Variants in CACUL1 observed in about 807,000 individuals in gnomAD.
CACUL1 encodes CDK2 associated cullin domain 1, also known as CDK2-associated and cullin domain-containing protein 1.
A neutral mutation model predicts 45.2 loss-of-function variants in CACUL1; 13 were observed. The observed-to-expected ratio is 0.29, with a 90% CI of 0.19 to 0.46. The LOEUF is 0.46. CACUL1 is among the 20% of genes least tolerant of loss of function. The pLI is 1.00. For missense variants in CACUL1, 421 were observed against 471.4 expected (o/e 0.89, Z 0.99); for synonymous variants, 197 against 174.2 (o/e 1.13, Z -1.03).
chr10:118,719,443 C>T (rs759370800), intron 3 of CACUL1, among the ~76,000 whole-genome samples: 24 of 152,152 alleles, frequency 1.6e-4, no homozygotes, highest in Non-Finnish European at 3.5e-4. Flanking sequence ...TACCATACTG[C>T]CATGGACAGA....
At chr10:118,695,289 T>C in intron 5 of CACUL1, 59 bp from the exon 6 acceptor site, 2 of 944,490 alleles carry the variant, frequency 2.1e-6, no homozygotes, top group South Asian at 1.3e-5. Context: ...AAGATTTCTC[T>C]ATTACTGTTT....
chr10:118,732,619 G>A (rs1297765530), intron 1 of CACUL1, among the ~76,000 whole-genome samples: 2 of 151,970 alleles, frequency 1.3e-5, no homozygotes, highest in Non-Finnish European at 2.9e-5. Flanking sequence ...TCTCCTTTTG[G>A]GTGAGGCGAC....
At chr10:118,724,160 A>C (rs1845628654) in intron 3 of CACUL1, among the ~76,000 whole-genome samples, 1 of 152,212 alleles carries the variant, frequency 6.6e-6, no homozygotes, top group African/African-American at 2.4e-5. Flanking sequence ...GGGATGTGGT[A>C]CTTCAGATTT....
At chr10:118,722,335 C>T (rs535716684) in intron 3 of CACUL1, among the ~76,000 whole-genome samples, 45 of 152,104 alleles carry the variant, frequency 3.0e-4, no homozygotes, top group Non-Finnish European at 4.6e-4. Context: ...TGATCTTGCC[C>T]GCCTCAGCCT....
intron 1 of CACUL1, among the ~76,000 whole-genome samples, chr10:118,735,112 A>G (rs1448999973): frequency 1.3e-5 from 2 of 152,258 alleles, no homozygotes; most frequent in East Asian, 3.8e-4. Flanking sequence ...GTACCCAGTA[A>G]CATCTGTAAA....
intron 1 of CACUL1, among the ~76,000 whole-genome samples, chr10:118,733,909 C>T (rs1293136488): frequency 2.0e-5 from 3 of 152,040 alleles, no homozygotes; most frequent in Admixed American, 6.6e-5. Flanking sequence ...CTCAGCTACT[C>T]GGGAGGCTGA....
rs1185074803 is a variant in CACUL1, at chr10:118,676,676, T to TA, written c.*9451dup. ...AAGCATTTTTAATCATGACTCTCTC[T>TA]AAAAGAACATTTTTTTAGAAAGAGC... On this transcript the variant is annotated 3_prime_UTR_variant, in exon 9 of 9. Coordinates refer to ENST00000369151, the MANE Select transcript of CACUL1 (RefSeq NM_153810.5). 1 of 152,170 alleles carries TA rather than the reference T, an allele frequency of 6.6e-6. No homozygotes were observed. Among genetic ancestry groups the TA allele is most frequent in the Non-Finnish European group, 1.5e-5 (1 of 68,044 alleles). The allele number at this position is 152,170 out of a possible 1,614,324, so 9.4% of individuals were successfully genotyped here. A position where few individuals can be genotyped will look rare whatever the true frequency, so the allele number is the denominator to read the frequency against.
intron 3 of CACUL1, among the ~76,000 whole-genome samples, chr10:118,716,826 T>C (rs1265655041): frequency 6.6e-6 from 1 of 152,088 alleles, no homozygotes; most frequent in Non-Finnish European, 1.5e-5. Flanking sequence ...GTGGTCTCGA[T>C]CTCCTGACTT....
chr10:118,730,086 C>T (rs1845684415), intron 2 of CACUL1, among the ~76,000 whole-genome samples, 198 bp downstream of exon 2: 1 of 152,104 alleles, frequency 6.6e-6, no homozygotes, highest in Admixed American at 6.5e-5. Context: ...TGGCAGGCTT[C>T]CTCTGTCATG....
rs1845112386 is a variant in CACUL1 at position 118,677,784 on chromosome 10, T to G, written c.*8344A>C. ...GGCATTTGGCTCCCTCCTTCATTCC[T>G]TTTAATTATTACACATAATGCTGTT... On this transcript the variant is annotated 3_prime_UTR_variant, in exon 9 of 9. Transcript: ENST00000369151. 1.3e-5 allele frequency: 2 copies of G among 152,232 alleles called. No individual in the cohort carries two copies. The highest frequency in any genetic ancestry group is 4.8e-5 in the African/African-American group (2 of 41,466). The allele number at this position is 152,232 out of a possible 1,614,324, so 9.4% of individuals were successfully genotyped here. A position where few individuals can be genotyped will look rare whatever the true frequency, so the allele number is the denominator to read the frequency against.
chr10:118,727,991 T>G (rs551253041), intron 3 of CACUL1, among the ~76,000 whole-genome samples: 12 of 152,324 alleles, frequency 7.9e-5, no homozygotes, highest in African/African-American at 2.6e-4. Context: ...ACTAAACATA[T>G]GTGTTAAATG....
chr10:118,726,836 A>G (rs971532044), intron 3 of CACUL1, among the ~76,000 whole-genome samples: 3 of 152,166 alleles, frequency 2.0e-5, no homozygotes, highest in African/African-American at 7.2e-5. Flanking sequence ...AAGATGATAT[A>G]TATTAGCACG....
At chr10:118,705,579 T>C (rs189619547) in intron 4 of CACUL1, among the ~76,000 whole-genome samples, 10 of 152,314 alleles carry the variant, frequency 6.6e-5, no homozygotes, top group African/African-American at 1.9e-4. Context: ...GGTACAGTAA[T>C]GTTAAATTCC....
intron 6 of CACUL1, chr10:118,693,420 T>C (rs967750879): frequency 5.5e-6 from 1 of 182,320 alleles, no homozygotes; most frequent in South Asian, 1.2e-4. Flanking sequence ...AAGGTTAGTA[T>C]GTGATAAAAT....
intron 5 of CACUL1, among the ~76,000 whole-genome samples, chr10:118,700,286 T>C (rs1320113947): frequency 6.6e-6 from 1 of 152,080 alleles, no homozygotes; most frequent in East Asian, 1.9e-4. Context: ...TCACATAAGA[T>C]AGGAGCTTTA....
At chr10:118,716,849 G>A (rs531709162) in intron 3 of CACUL1, among the ~76,000 whole-genome samples, 37 of 152,228 alleles carry the variant, frequency 2.4e-4, no homozygotes, top group South Asian at 4.1e-4. Flanking sequence ...TGATCCACCC[G>A]CCTCGGCCTC....
intron 5 of CACUL1, among the ~76,000 whole-genome samples, chr10:118,700,585 C>T (rs1026403622): frequency 6.6e-6 from 1 of 151,948 alleles, no homozygotes; most frequent in Non-Finnish European, 1.5e-5. Context: ...GGCATGGTTG[C>T]GGGCACCTGT....
intron 1 of CACUL1, among the ~76,000 whole-genome samples, chr10:118,737,560 G>A (rs935319033): frequency 2.6e-5 from 4 of 151,836 alleles, no homozygotes; most frequent in East Asian, 3.9e-4. Context: ...GAAGTGCCTC[G>A]TCCCCCAAAA....
At chr10:118,706,134 T>C (rs1020954799) in intron 4 of CACUL1, among the ~76,000 whole-genome samples, 1 of 152,256 alleles carries the variant, frequency 6.6e-6, no homozygotes, top group Non-Finnish European at 1.5e-5. Context: ...TTAACTATTT[T>C]TGTTTTAATA....
Sources: gnomAD v4.1 joint callset for allele counts (sites outside exome capture counted in the v4.1 genomes callset) on GRCh38, gnomAD v4.1.1 for gene constraint, MANE v1.5 for transcripts, NCBI Gene and HGNC (gene_info 2026-07-23, HGNC 2026-07-21) for gene names.